CUL2: variants seen among roughly 807,000 people sequenced by gnomAD.
The protein encoded by CUL2 is cullin 2.
CUL2 carries 22 observed loss-of-function variants against 110.2 expected under a neutral mutation model. That is an observed-to-expected ratio of 0.20 (90% CI 0.14 to 0.28). CUL2 has a LOEUF of 0.28. Among genes scored for constraint, CUL2 ranks in the 10% least tolerant of loss-of-function variants. The pLI, the probability that CUL2 is intolerant of heterozygous loss-of-function variation, is 1.00. For missense variants in CUL2, 631 were observed against 905.5 expected, an observed-to-expected ratio of 0.70 and a Z score of 3.89; for synonymous variants, 279 against 293.2, an observed-to-expected ratio of 0.95 and a Z score of 0.49.
intron 1 of CUL2, among the ~76,000 whole-genome samples, chr10:35,104,917 C>T (rs182709183): frequency 6.6e-6 from 1 of 151,698 alleles, no homozygotes. Flanking sequence ...TAAGTAGAAA[C>T]GGAGTTTCTC....
At chr10:35,066,498 C>A (rs967196504) in intron 2 of CUL2, among the ~76,000 whole-genome samples, 1 of 152,102 alleles carries the variant, frequency 6.6e-6, no homozygotes, top group Non-Finnish European at 1.5e-5. Context: ...TGGGGTTTAA[C>A]CATGTTGGCC....
intron 1 of CUL2, among the ~76,000 whole-genome samples, chr10:35,086,930 T>G (rs1001955986): frequency 6.6e-6 from 1 of 152,220 alleles, no homozygotes. Flanking sequence ...TTTGCTTATA[T>G]GTCCACAAAT....
In CUL2 at chr10:35,049,636, A is replaced by C. The variant is rs757801294; in HGVS notation, c.506+47T>G. ...TTGTACACTATTTTAAAACCATATC[A>C]AACAACAAAATAAAATTGACTCAGT... is the stretch of plus-strand genomic sequence containing the variant. On this transcript the variant is annotated intron_variant, in intron 6 of 20. Transcript: ENST00000374749. 7 of 1,508,724 alleles carry C rather than the reference A, an allele frequency of 4.6e-6. No homozygotes were observed. In the African/African-American group the frequency reaches 5.5e-5, roughly 12 times the overall value. 93.5% of individuals were successfully genotyped at this position (1,508,724 alleles called of 1,614,324 possible).
upstream of CUL2, among the ~76,000 whole-genome samples, chr10:35,091,321 C>T (rs1444307511): frequency 6.6e-6 from 1 of 152,216 alleles, no homozygotes; most frequent in Non-Finnish European, 1.5e-5. Context: ...TGCACGAACC[C>T]TTCAAGGCCC....
chr10:35,125,771 T>C (rs2087769954), intron 1 of CUL2, among the ~76,000 whole-genome samples: 1 of 152,234 alleles, frequency 6.6e-6, no homozygotes, highest in Non-Finnish European at 1.5e-5. Flanking sequence ...GAACCTATCG[T>C]TAAGTGAGGA....
chr10:35,045,939 A>G lies in CUL2; in HGVS notation c.507-1071T>C, dbSNP rs1206874553. Reference sequence around the variant, plus strand: ...GAGCAACAGAAAACTTATTATCATCATTCCCTAGTAAGAGCTTGTTGCTCT... The same window carrying G: ...GAGCAACAGAAAACTTATTATCATCGTTCCCTAGTAAGAGCTTGTTGCTCT... On this transcript the variant is annotated intron_variant, in intron 6 of 20. Transcript: ENST00000374749. Among the ~76,000 whole-genome samples the G allele has an allele frequency of 2.0e-5, 3 of 152,304 alleles. No individual in the cohort carries two copies. In the East Asian group the frequency reaches 5.8e-4, roughly 29 times the overall value.
At chr10:35,068,927 G>A (rs2086609886) in intron 2 of CUL2, among the ~76,000 whole-genome samples, 1 of 152,088 alleles carries the variant, frequency 6.6e-6, no homozygotes, top group Non-Finnish European at 1.5e-5. Context: ...TAGTGCAATG[G>A]CCCGATCTTG....
chr10:35,104,917 C>G (rs182709183), intron 1 of CUL2, among the ~76,000 whole-genome samples: 153 of 151,812 alleles, frequency 1.0e-3, no homozygotes, highest in Admixed American at 4.1e-3. Context: ...TAAGTAGAAA[C>G]GGAGTTTCTC....
intron 1 of CUL2, among the ~76,000 whole-genome samples, chr10:35,072,160 C>A (rs2086697199): frequency 6.6e-6 from 1 of 151,940 alleles, no homozygotes. Context: ...AAGAAATTTA[C>A]ATTTATATTA....
chr10:35,035,089 C>T lies in CUL2; in HGVS notation c.1002+83G>A. The T allele has an allele frequency of 4.7e-6, 7 of 1,497,678 alleles. No homozygotes were observed. In the Admixed American group the frequency reaches 9.4e-5, roughly 20 times the overall value. The allele number at this position is 1,497,678 out of a possible 1,614,324, so 92.8% of individuals were successfully genotyped here. A position where few individuals can be genotyped will look rare whatever the true frequency, so the allele number is the denominator to read the frequency against. On this transcript the variant is annotated intron_variant, in intron 10 of 20. Transcript: ENST00000374749. ...GGCATGGTAAGACTTTTTCTTTCAT[C>T]TTTCAAAACAATAAAGTCAAAGGAA...
chr10:35,076,838 T>C (rs1428892271), intron 1 of CUL2, among the ~76,000 whole-genome samples: 1 of 152,084 alleles, frequency 6.6e-6, no homozygotes, highest in East Asian at 1.9e-4. Context: ...TCACCTGAGG[T>C]CAGGAGTTCG....
chr10:35,060,885 G>A lies in CUL2; in HGVS notation c.306C>T (p.Asp102=). The A allele has an allele frequency of 6.2e-7, 1 of 1,613,304 alleles. No homozygotes were observed. Among genetic ancestry groups the A allele is most frequent in the Non-Finnish European group, 8.5e-7 (1 of 1,179,636 alleles). Residue 102 remains aspartate (D), a synonymous_variant, in exon 4 of 21, where the codon GAC becomes GAT. Transcript: ENST00000374749. ...EEYSKGADYM[D]CLYRYLNTQF... ...AAAGGCACACTCACCTATATAAGCA[G>A]TCCATATAGTCTGCACCCTTGCTGT...
chr10:35,056,335 C>G (rs2086239801), intron 4 of CUL2, among the ~76,000 whole-genome samples: 1 of 152,144 alleles, frequency 6.6e-6, no homozygotes, highest in African/African-American at 2.4e-5. Context: ...GCCATGAATA[C>G]CAGGAAATAA....
intron 1 of CUL2, among the ~76,000 whole-genome samples, chr10:35,106,639 T>C (rs1280376324): frequency 6.6e-6 from 1 of 151,918 alleles, no homozygotes; most frequent in Non-Finnish European, 1.5e-5. Context: ...GCCAAATGTT[T>C]GTTGTTTATA....
At chr10:35,095,652 C>T (rs111729154) in intron 2 of CUL2, among the ~76,000 whole-genome samples, 4 of 152,094 alleles carry the variant, frequency 2.6e-5, no homozygotes, top group Admixed American at 6.6e-5. Flanking sequence ...TCCGCCTCCC[C>T]GGTTCAAGCC....
chr10:35,028,783 C>A, intron 16 of CUL2, 27 bp downstream of exon 16: 1 of 1,446,758 alleles, frequency 6.9e-7, no homozygotes, highest in Non-Finnish European at 9.6e-7. Context: ...TTCCTTTAGT[C>A]TTCTAATATA....
chr10:35,070,324 T>C (rs1462232771), intron 2 of CUL2, among the ~76,000 whole-genome samples: 1 of 152,234 alleles, frequency 6.6e-6, no homozygotes, highest in African/African-American at 2.4e-5. Context: ...ATTAAATGGT[T>C]TTCTGTTGGT....
intron 1 of CUL2, among the ~76,000 whole-genome samples, chr10:35,088,402 G>A (rs1309953019): frequency 6.8e-6 from 1 of 146,392 alleles, no homozygotes; most frequent in African/African-American, 2.5e-5. Flanking sequence ...CAGCTACTCA[G>A]GAGGCTGAGG....
At chr10:35,104,566 T>C (rs2087429308) in intron 1 of CUL2, among the ~76,000 whole-genome samples, 1 of 152,182 alleles carries the variant, frequency 6.6e-6, no homozygotes, top group African/African-American at 2.4e-5. Flanking sequence ...TGGGCTTCTT[T>C]TCCAATTTTT....
Sources: gnomAD v4.1 joint callset for allele counts (sites outside exome capture counted in the v4.1 genomes callset) on GRCh38, gnomAD v4.1.1 for gene constraint, MANE v1.5 for transcripts, NCBI Gene and HGNC (gene_info 2026-07-23, HGNC 2026-07-21) for gene names.